Variants in PALLD observed in about 807,000 individuals in gnomAD.
PALLD encodes the protein palladin, cytoskeletal associated protein.
In PALLD, 61 loss-of-function variants were observed where a neutral mutation model predicts 123.5. The ratio of observed to expected loss-of-function variants is 0.49; its 90% CI spans 0.40 to 0.61. The LOEUF (loss-of-function observed/expected upper bound fraction) is 0.61. Among genes scored for constraint, PALLD ranks in the 20% least tolerant of loss-of-function variants. The pLI is 0.00. For synonymous variants in PALLD, 465 were observed against 496.4 expected, an observed-to-expected ratio of 0.94 and a Z score of 0.84; for missense variants, 1,273 against 1,377.0, an observed-to-expected ratio of 0.92 and a Z score of 1.20.
chr4:168,891,370 A>T lies in PALLD; in HGVS notation c.2100+313A>T, dbSNP rs534470772. On this transcript the variant is annotated intron_variant, in intron 11 of 21. Transcript: ENST00000505667. ...AAGACAGAGTCTCCCTATGTTGCTT[A>T]GGCTGGTTTCAAACTCCAGAGCTCA... Among the ~76,000 whole-genome samples, 5 of 152,254 alleles carry T rather than the reference A, an allele frequency of 3.3e-5. No individual in the cohort carries two copies. In the South Asian group the frequency reaches 1.0e-3, roughly 32 times the overall value.
chr4:168,847,652 CT>C (rs997010736), intron 10 of PALLD, among the ~76,000 whole-genome samples: 2 of 152,110 alleles, frequency 1.3e-5, no homozygotes, highest in African/African-American at 4.8e-5. Flanking sequence ...TATCGTACTA[CT>C]TTCACTTTAT....
At chr4:168,619,180 G>A (rs551885022) in intron 2 of PALLD, among the ~76,000 whole-genome samples, 9 of 152,296 alleles carry the variant, frequency 5.9e-5, no homozygotes, top group East Asian at 1.9e-4. Context: ...TTGATAAGCC[G>A]TAGGAAAGCA....
At chr4:168,704,664 CAAAA>C (rs35183478) in intron 8 of PALLD, among the ~76,000 whole-genome samples, 1 of 81,378 alleles carries the variant, frequency 1.2e-5, no homozygotes, top group African/African-American at 5.3e-5. Flanking sequence ...GACTCTGTCT[CAAAA>C]AAAAAAAAAA....
intron 2 of PALLD, among the ~76,000 whole-genome samples, chr4:168,636,756 C>A (rs1776385043): frequency 6.6e-6 from 1 of 152,160 alleles, no homozygotes; most frequent in African/African-American, 2.4e-5. Context: ...AAAATATCAG[C>A]CCTTTTCTTA....
intron 3 of PALLD, among the ~76,000 whole-genome samples, chr4:168,669,638 TA>T (rs1779982986): frequency 6.6e-6 from 1 of 152,132 alleles, no homozygotes; most frequent in Non-Finnish European, 1.5e-5. Context: ...AAGTAACGAT[TA>T]CTGATGACTA....
chr4:168,885,942 A>G (rs1753274212), intron 10 of PALLD, among the ~76,000 whole-genome samples: 2 of 152,234 alleles, frequency 1.3e-5, no homozygotes. Flanking sequence ...TACAGTTCCC[A>G]TCACCACCTA....
intron 8 of PALLD, among the ~76,000 whole-genome samples, chr4:168,704,082 A>G (rs947009928): frequency 1.3e-5 from 2 of 151,938 alleles, no homozygotes; most frequent in Non-Finnish European, 2.9e-5. Context: ...AACGCCACAT[A>G]TCTACAACTA....
At chr4:168,607,310 A>C (rs1773279525) in intron 2 of PALLD, among the ~76,000 whole-genome samples, 1 of 152,178 alleles carries the variant, frequency 6.6e-6, no homozygotes, top group Non-Finnish European at 1.5e-5. Flanking sequence ...ACCACACTTA[A>C]TGTAGTTTAT....
chr4:168,583,374 A>G (rs543320236), intron 2 of PALLD, among the ~76,000 whole-genome samples: 106 of 152,344 alleles, frequency 7.0e-4, no homozygotes, highest in Non-Finnish European at 1.1e-3. Flanking sequence ...CTTCTCAAAC[A>G]TTAATGTGCA....
At chr4:168,920,967 A>G (rs1001413645) in intron 17 of PALLD, among the ~76,000 whole-genome samples, 2 of 152,152 alleles carry the variant, frequency 1.3e-5, no homozygotes, top group Non-Finnish European at 2.9e-5. Flanking sequence ...GCAAGGTAAG[A>G]CCATGACAGC....
At chr4:168,536,782 T>A (rs1361787678) in intron 2 of PALLD, among the ~76,000 whole-genome samples, 1 of 152,030 alleles carries the variant, frequency 6.6e-6, no homozygotes, top group Non-Finnish European at 1.5e-5. Context: ...AAGGTGAGAT[T>A]TAGGTGGAGA....
intron 10 of PALLD, among the ~76,000 whole-genome samples, chr4:168,738,926 A>T (rs1198714943): frequency 6.6e-6 from 1 of 152,178 alleles, no homozygotes; most frequent in Non-Finnish European, 1.5e-5. Flanking sequence ...AAAGGAAAAG[A>T]CTTTCAAGCA....
chr4:168,561,529 C>A (rs985469324), intron 2 of PALLD, among the ~76,000 whole-genome samples: 1 of 152,190 alleles, frequency 6.6e-6, no homozygotes, highest in African/African-American at 2.4e-5. Flanking sequence ...CCTGCCTTGG[C>A]CTCCCAAAGC....
chr4:168,822,287 G>C (rs1218420935), intron 10 of PALLD, among the ~76,000 whole-genome samples: 1 of 151,044 alleles, frequency 6.6e-6, no homozygotes, highest in Non-Finnish European at 1.5e-5. Flanking sequence ...TGGGGAGGGG[G>C]TGGGGTGGGG....
intron 6 of PALLD, among the ~76,000 whole-genome samples, chr4:168,688,722 G>A (rs1782325101): frequency 6.6e-6 from 1 of 152,106 alleles, no homozygotes; most frequent in African/African-American, 2.4e-5. Flanking sequence ...GTGGAGCTTT[G>A]ACTGATTAAG....
intron 2 of PALLD, among the ~76,000 whole-genome samples, chr4:168,603,673 T>C (rs1772897993): frequency 6.6e-6 from 1 of 152,184 alleles, no homozygotes; most frequent in Non-Finnish European, 1.5e-5. Context: ...TGTCATTCTC[T>C]TCGTTAAAAA....
intron 2 of PALLD, among the ~76,000 whole-genome samples, chr4:168,553,131 G>A (rs570255184): frequency 6.6e-6 from 1 of 152,192 alleles, no homozygotes; most frequent in South Asian, 2.1e-4. Flanking sequence ...GAGATATTAG[G>A]TAAGTCACCC....
chr4:168,709,075 G>A lies in PALLD; in HGVS notation c.1549G>A (p.Gly517Arg). The A allele has an allele frequency of 1.2e-6, 2 of 1,613,074 alleles. No homozygotes were observed. Among genetic ancestry groups the A allele is most frequent in the Non-Finnish European group, 1.7e-6 (2 of 1,179,074 alleles). The change falls in exon 9 of 22, where the codon GGG (glycine) becomes AGG (arginine). Residue 517 changes from glycine (G) to arginine (R), a missense_variant. By Grantham distance (125) the Gly-to-Arg change is moderately radical. Around this residue, in one of 2 missense-constraint regions of PALLD, gnomAD observed 944 missense variants for 954.5 expected, o/e 0.99. Coordinates refer to ENST00000505667, the MANE Select transcript of PALLD (RefSeq NM_001166108.2). ...CGCTGAGACTTTCCCTGAAGATGCAGGGATCTTTACATGTTCAGCAAGAAA... is the reference window on the plus strand; with the variant it reads ...CGCTGAGACTTTCCCTGAAGATGCAAGGATCTTTACATGTTCAGCAAGAAA... ...VIAETFPEDA[G>R]IFTCSARNDY...
rs372470150 is a variant in PALLD at position 168,903,761 on chromosome 4, A to C, written c.2477A>C (p.Tyr826Ser). The C allele has an allele frequency of 1.9e-6, 3 of 1,610,224 alleles. No individual in the cohort carries two copies. Among genetic ancestry groups the C allele is most frequent in the Non-Finnish European group, 2.5e-6 (3 of 1,176,664 alleles). The stretch of plus-strand genomic sequence containing the variant: ...AATCTTTGTTTCTATTCACAGATCT[A>C]TTGGTTTAAAGATGGGAAGCAGATC... ...RVAGNPKPKI[Y>S]WFKDGKQISP... The change falls in exon 15 of 22, where the codon TAT (tyrosine) becomes TCT (serine). Residue 826 changes from tyrosine to serine, a missense_variant. Tyr to Ser is a moderately radical substitution (Grantham distance 144). This residue lies in a region of PALLD where 329 missense variants were observed against 422.5 expected (regional missense o/e 0.78). Coordinates refer to ENST00000505667, the MANE Select transcript of PALLD (RefSeq NM_001166108.2).
Sources: gnomAD v4.1 joint callset for allele counts (sites outside exome capture counted in the v4.1 genomes callset) on GRCh38, gnomAD v4.1.1 for gene constraint, gnomAD v4.1.1 regional missense constraint, MANE v1.5 for transcripts, NCBI Gene and HGNC (gene_info 2026-07-23, HGNC 2026-07-21) for gene names.